SDK1: variants seen among roughly 807,000 people sequenced by gnomAD.
SDK1 encodes protein sidekick-1.
A neutral mutation model predicts 245.5 loss-of-function variants in SDK1; 157 were observed. The ratio of observed to expected loss-of-function variants is 0.64; its 90% CI spans 0.56 to 0.73. The LOEUF (loss-of-function observed/expected upper bound fraction) is 0.73. Among genes scored for constraint, SDK1 ranks in the 30% least tolerant of loss-of-function variants. The pLI, the probability that SDK1 is intolerant of heterozygous loss-of-function variation, is 0.00. For synonymous variants in SDK1, 1,647 were observed against 1,278.5 expected, an observed-to-expected ratio of 1.29 and a Z score of -6.15; for missense variants, 3,583 against 3,002.3, an observed-to-expected ratio of 1.19 and a Z score of -4.52.
chr7:3,424,666 G>GT (rs1303110889), intron 1 of SDK1, among the ~76,000 whole-genome samples: 1 of 152,180 alleles, frequency 6.6e-6, no homozygotes, highest in African/African-American at 2.4e-5. Context: ...GGAGGCAGAG[G>GT]TAGGAGGATC....
chr7:3,464,486 A>G (rs2128596008), intron 1 of SDK1, among the ~76,000 whole-genome samples: 1 of 152,212 alleles, frequency 6.6e-6, no homozygotes, highest in Non-Finnish European at 1.5e-5. Flanking sequence ...TCGCCACTGC[A>G]CTCCAGCCTG....
chr7:3,462,194 A>C (rs1780853702), intron 1 of SDK1, among the ~76,000 whole-genome samples: 1 of 152,074 alleles, frequency 6.6e-6, no homozygotes, highest in Non-Finnish European at 1.5e-5. Context: ...GATGCTCTTC[A>C]GTTCACATCT....
intron 38 of SDK1, among the ~76,000 whole-genome samples, chr7:4,214,881 C>T (rs1784705675): frequency 1.3e-5 from 2 of 152,258 alleles, no homozygotes; most frequent in African/African-American, 4.8e-5. Flanking sequence ...TCTGCAGGCA[C>T]CATCATCCGT....
At chr7:3,730,811 C>T (rs990086930) in intron 4 of SDK1, among the ~76,000 whole-genome samples, 2 of 152,170 alleles carry the variant, frequency 1.3e-5, no homozygotes, top group South Asian at 2.1e-4. Flanking sequence ...ATATAACCCT[C>T]TCTTTGGCAG....
intron 1 of SDK1, among the ~76,000 whole-genome samples, chr7:3,527,530 T>C (rs1783183444): frequency 6.6e-6 from 1 of 152,136 alleles, no homozygotes; most frequent in African/African-American, 2.4e-5. Flanking sequence ...TCAGAGTGCC[T>C]GGATGATAGT....
chr7:3,738,870 T>C (rs1779396236), intron 4 of SDK1, among the ~76,000 whole-genome samples: 2 of 152,180 alleles, frequency 1.3e-5, no homozygotes, highest in Admixed American at 1.3e-4. Flanking sequence ...TTGTGTTGAT[T>C]TTGTTTCCTA....
chr7:3,764,533 A>G (rs1444958620), intron 4 of SDK1, among the ~76,000 whole-genome samples: 3 of 152,092 alleles, frequency 2.0e-5, no homozygotes, highest in African/African-American at 4.8e-5. Context: ...TAATAATACA[A>G]AAATTAGCTG....
chr7:4,240,722 G>A (rs570016340), intron 42 of SDK1, among the ~76,000 whole-genome samples: 9 of 152,304 alleles, frequency 5.9e-5, no homozygotes, highest in African/African-American at 2.2e-4. Flanking sequence ...GTACCTCAAA[G>A]AGCAAATATG....
intron 25 of SDK1, among the ~76,000 whole-genome samples, chr7:4,122,653 A>G (rs1784144432): frequency 6.6e-6 from 1 of 152,224 alleles, no homozygotes; most frequent in East Asian, 1.9e-4. Context: ...GAGAGAGACC[A>G]CATGAGGAGG....
At chr7:4,005,445 T>C (rs1785407550) in intron 14 of SDK1, among the ~76,000 whole-genome samples, 2 of 148,940 alleles carry the variant, frequency 1.3e-5, no homozygotes, top group Non-Finnish European at 1.5e-5. Flanking sequence ...TGTTAATACT[T>C]CTTGGGTATT....
At chr7:3,587,593 A>T (rs955492188) in intron 1 of SDK1, among the ~76,000 whole-genome samples, 2 of 152,216 alleles carry the variant, frequency 1.3e-5, no homozygotes, top group African/African-American at 4.8e-5. Flanking sequence ...CCGCTTTTTC[A>T]GCCCCCAATG....
intron 28 of SDK1, among the ~76,000 whole-genome samples, chr7:4,144,530 C>T (rs1035615339): frequency 1.3e-5 from 2 of 151,662 alleles, no homozygotes; most frequent in Admixed American, 6.6e-5. Flanking sequence ...GTGTAATTGT[C>T]CTCCCACCTC....
intron 4 of SDK1, among the ~76,000 whole-genome samples, chr7:3,804,759 A>G (rs890306576): frequency 1.5e-4 from 23 of 152,216 alleles, no homozygotes; most frequent in African/African-American, 4.1e-4. Flanking sequence ...AGTTTTCAGC[A>G]TACAAGTTCT....
chr7:3,635,523 C>T (rs1284611692), intron 2 of SDK1, among the ~76,000 whole-genome samples: 2 of 152,250 alleles, frequency 1.3e-5, no homozygotes, highest in African/African-American at 4.8e-5. Flanking sequence ...GCAAATACAG[C>T]GTAGCATACA....
At chr7:3,434,032 T>G (rs1779945854) in intron 1 of SDK1, among the ~76,000 whole-genome samples, 1 of 152,214 alleles carries the variant, frequency 6.6e-6, no homozygotes, top group Admixed American at 6.5e-5. Flanking sequence ...TAAAGTAGTG[T>G]TCCATTTGTG....
intron 4 of SDK1, among the ~76,000 whole-genome samples, chr7:3,746,396 A>C (rs1233289446): frequency 1.3e-5 from 2 of 152,170 alleles, no homozygotes; most frequent in Non-Finnish European, 2.9e-5. Context: ...AACTTCTTAA[A>C]ATAAGACAAC....
At chr7:4,099,549 G>A (rs79315738) in intron 22 of SDK1, among the ~76,000 whole-genome samples, 1,715 of 92,028 alleles carry the variant, frequency 0.019, 57 homozygotes, top group African/African-American at 0.066. Context: ...GAAGCCCTGA[G>A]TGTGAGCGCT....
At chr7:4,020,921 A>C (rs1191275643) in intron 17 of SDK1, among the ~76,000 whole-genome samples, 1 of 152,238 alleles carries the variant, frequency 6.6e-6, no homozygotes, top group Non-Finnish European at 1.5e-5. Context: ...AGGAGACATC[A>C]CACACATGCC....
intron 41 of SDK1, 46 bp downstream of exon 41, chr7:4,233,465 G>A (rs1785935228): frequency 6.4e-7 from 1 of 1,574,174 alleles, no homozygotes; most frequent in East Asian, 2.3e-5. Flanking sequence ...GGACTAGAGG[G>A]AGAAATGGGG....
Sources: allele counts gnomAD v4.1 joint callset (sites outside exome capture counted in the v4.1 genomes callset), GRCh38; gene constraint gnomAD v4.1.1; transcripts MANE v1.5; gene names NCBI Gene and HGNC (gene_info 2026-07-23, HGNC 2026-07-21).